Variants in NAA16 observed in about 807,000 individuals in gnomAD.
The protein encoded by NAA16 is NARG1-like protein.
In NAA16, 97 loss-of-function variants were observed where a neutral mutation model predicts 110.3. The observed-to-expected ratio is 0.88, with a 90% CI of 0.75 to 1.04. The LOEUF (loss-of-function observed/expected upper bound fraction) is 1.04, where lower values mean the gene tolerates loss of function less well. NAA16 is among the 50% of genes least tolerant of loss of function. The pLI is 0.00. For missense variants in NAA16, 1,017 were observed against 1,005.1 expected, an observed-to-expected ratio of 1.01 and a Z score of -0.16; for synonymous variants, 372 against 330.6, an observed-to-expected ratio of 1.13 and a Z score of -1.36.
Position 41,336,762 on chromosome 13 carries a change from A to T in NAA16, c.1014+6A>T. 1 of 1,526,120 alleles carries T rather than the reference A, an allele frequency of 6.6e-7. No homozygotes were observed. The highest frequency in any genetic ancestry group is 9.0e-7 in the Non-Finnish European group (1 of 1,113,026). 94.5% of individuals were successfully genotyped at this position (1,526,120 alleles called of 1,614,324 possible). Reference sequence around the variant, plus strand: ...TATATTACAATACAGAAAAGGTAAAATTTGGTATTTATTCAGATTTGCTAT... The same window carrying T: ...TATATTACAATACAGAAAAGGTAAATTTTGGTATTTATTCAGATTTGCTAT... On this transcript the variant is annotated splice_donor_region_variant and intron_variant, in intron 9 of 19. Transcript: ENST00000379406.
At position 41,375,453 on chromosome 13, in the gene NAA16, T is replaced by C; in HGVS notation, c.2446T>C (p.Cys816Arg). 6.2e-7 allele frequency: 1 copy of C among 1,614,060 alleles called. No homozygotes were observed. The highest frequency in any genetic ancestry group is 8.5e-7 in the Non-Finnish European group (1 of 1,179,926). Residue 816 changes from cysteine to arginine, a missense_variant, in exon 20 of 20, where the codon TGT becomes CGT. Cys to Arg is a radical substitution (Grantham distance 180). Transcript: ENST00000379406. ...ACTGCTTGATGGCAGCTTTGGGAAC[T>C]GTAGTTCCCAATATGAAGAATATAG... ...EALLDGSFGNCSSQYEEYRMA... is the reference protein window; with the variant it reads ...EALLDGSFGNRSSQYEEYRMA...
rs1377734064 is a variant in NAA16 at position 41,320,937 on chromosome 13, TAGA to T, written c.402+116_402+118del. 4 of 923,032 alleles carry T rather than the reference TAGA, an allele frequency of 4.3e-6. No individual in the cohort carries two copies. In the East Asian group the frequency reaches 1.1e-4, roughly 25 times the overall value. 57.2% of individuals were successfully genotyped at this position (923,032 alleles called of 1,614,324 possible). ...AAATCAAGTAGATTTGATTGTTCAT[TAGA>T]AGGTGTATGTCGCTTGGGACCTTCC... On this transcript the variant is annotated intron_variant, in intron 4 of 19. Transcript: ENST00000379406.
intron 9 of NAA16, among the ~76,000 whole-genome samples, chr13:41,343,592 A>G (rs1487991989): frequency 6.6e-6 from 1 of 152,004 alleles, no homozygotes; most frequent in South Asian, 2.1e-4. Context: ...GTGCAGTGGC[A>G]CCATCTCGGC....
In NAA16 at chr13:41,367,447, TGAGATAAC is replaced by T; in HGVS notation, c.1549_1556del (p.Glu517Ter). ...TGATTTTTGTTTTTAAGCATTTTTT[TGAGATAAC>T]TGATGACCAATTCGACTTCCATACA... On this transcript the variant is annotated frameshift_variant, in exon 14 of 20. Coordinates refer to ENST00000379406, the MANE Select transcript of NAA16 (RefSeq NM_024561.5). LOFTEE classifies it high-confidence loss of function. The T allele has an allele frequency of 6.3e-7, 1 of 1,590,924 alleles. No homozygotes were observed. Among genetic ancestry groups the T allele is most frequent in the Non-Finnish European group, 8.6e-7 (1 of 1,164,802 alleles).
chr13:41,348,108 TTAA>T (rs1566277469), intron 9 of NAA16, among the ~76,000 whole-genome samples: 1 of 152,102 alleles, frequency 6.6e-6, no homozygotes, highest in African/African-American at 2.4e-5. Flanking sequence ...AGGTTTTTTT[TTAA>T]AAAAAATCTA....
In NAA16 at chr13:41,375,817, G is replaced by C. The variant is rs2043418173; in HGVS notation, c.*215G>C. On this transcript the variant is annotated 3_prime_UTR_variant, in exon 20 of 20. Transcript: ENST00000379406. ...TTTATTCTTACACAGTTTTGTGGTA[G>C]CTCCGATCGCTTCTGTATAATTATA... is the stretch of plus-strand genomic sequence containing the variant. 2.3e-6 allele frequency: 1 copy of C among 427,130 alleles called. No homozygotes were observed. Among genetic ancestry groups the C allele is most frequent in the African/African-American group, 2.0e-5 (1 of 49,434 alleles). The allele number at this position is 427,130 out of a possible 1,614,324, so 26.5% of individuals were successfully genotyped here. A position where few individuals can be genotyped will look rare whatever the true frequency, so the allele number is the denominator to read the frequency against.
intron 4 of NAA16, 24 bp from the exon 5 acceptor site, chr13:41,323,032 A>AG (rs1566246121): frequency 6.2e-7 from 1 of 1,606,412 alleles, no homozygotes; most frequent in East Asian, 2.2e-5. Flanking sequence ...GAGAATATTT[A>AG]GCAAGTTAAA....
At chr13:41,325,967 C>A in intron 6 of NAA16, 116 bp downstream of exon 6, 2 of 735,512 alleles carry the variant, frequency 2.7e-6, no homozygotes, top group Non-Finnish European at 4.1e-6. Context: ...GTTCCAAACA[C>A]GATTATTAAG....
intron 8 of NAA16, among the ~76,000 whole-genome samples, chr13:41,334,902 G>C (rs1478255750): frequency 1.3e-4 from 2 of 15,672 alleles, no homozygotes; most frequent in Non-Finnish European, 2.0e-4. Flanking sequence ...ATTTGTTTAA[G>C]GTCACCCCCC....
chr13:41,349,842 T>A (rs546904640), intron 9 of NAA16, among the ~76,000 whole-genome samples: 1 of 151,708 alleles, frequency 6.6e-6, no homozygotes, highest in African/African-American at 2.4e-5. Context: ...GGTGGAATAA[T>A]CCCAGCTACT....
chr13:41,352,663 A>G (rs2042868316), intron 9 of NAA16, among the ~76,000 whole-genome samples: 1 of 152,154 alleles, frequency 6.6e-6, no homozygotes, highest in African/African-American at 2.4e-5. Flanking sequence ...TCAAAAAAAC[A>G]AAAATTTATG....
At chr13:41,362,814 G>T in intron 13 of NAA16, 2 of 1,289,556 alleles carry the variant, frequency 1.6e-6, no homozygotes, top group Non-Finnish European at 2.0e-6. Flanking sequence ...CAGTTGTGGG[G>T]GCAATCGGCA....
At chr13:41,318,993 A>T (rs928521285) in intron 3 of NAA16, 83 bp downstream of exon 3, 29 of 667,144 alleles carry the variant, frequency 4.3e-5, no homozygotes, top group Non-Finnish European at 6.7e-5. Flanking sequence ...TGAAAATTCC[A>T]AACCTACGTA....
intron 6 of NAA16, chr13:41,327,984 A>G (rs753899050): frequency 6.6e-6 from 1 of 152,098 alleles, no homozygotes; most frequent in Non-Finnish European, 1.5e-5. Context: ...TGACTTGAAG[A>G]CATTTTAAAG....
At chr13:41,363,382 C>T (rs551877006) in intron 13 of NAA16, among the ~76,000 whole-genome samples, 1 of 152,234 alleles carries the variant, frequency 6.6e-6, no homozygotes, top group South Asian at 2.1e-4. Context: ...TCAGCAAGAC[C>T]ATAACTAGAA....
At position 41,362,105 on chromosome 13, in the gene NAA16, T is replaced by C; in HGVS notation, c.1485T>C (p.Tyr495=). 4.3e-6 allele frequency: 7 copies of C among 1,610,140 alleles called. No homozygotes were observed. Among genetic ancestry groups the C allele is most frequent in the Non-Finnish European group, 5.9e-6 (7 of 1,178,690 alleles). Residue 495 remains tyrosine, a synonymous_variant, in exon 13 of 20, where the codon TAT becomes TAC. Coordinates refer to ENST00000379406, the MANE Select transcript of NAA16 (RefSeq NM_024561.5). ...MWFQTECISA[Y]QRLGRYGDAL... is the part of the protein sequence containing the mutation. ...TTCAGACAGAATGCATTTCAGCTTATCAGCGTCTGGGGAGATACGGGGATG... is the reference window on the plus strand; with the variant it reads ...TTCAGACAGAATGCATTTCAGCTTACCAGCGTCTGGGGAGATACGGGGATG...
At chr13:41,322,988 ATTG>A (rs1287889120) in intron 4 of NAA16, 65 bp from the exon 5 acceptor site, 57 of 1,386,062 alleles carry the variant, frequency 4.1e-5, no homozygotes, top group Non-Finnish European at 5.7e-5. Flanking sequence ...TAAAGGTTAG[ATTG>A]TTTTCTTAAA....
At position 41,373,773 on chromosome 13, in the gene NAA16, A is replaced by G. The variant is rs2043371794; in HGVS notation, c.2292A>G (p.Leu764=). ...LKRNATSLQH[L]LSGAKMMYFL... ...GTAACGCTACCTCTCTTCAGCATCT[A>G]CTTTCAGGTTTGTTTGTAGCCCCCA... Residue 764 remains leucine, a synonymous_variant, in exon 18 of 20, where the codon CTA becomes CTG. Transcript: ENST00000379406. 19 of 1,595,366 alleles carry G rather than the reference A, an allele frequency of 1.2e-5. No homozygotes were observed. Among genetic ancestry groups the G allele is most frequent in the Non-Finnish European group, 1.4e-5 (17 of 1,174,364 alleles).
intron 11 of NAA16, 85 bp from the exon 12 acceptor site, chr13:41,358,722 CTTT>C: frequency 6.8e-7 from 1 of 1,478,928 alleles, no homozygotes; most frequent in Non-Finnish European, 9.0e-7. Flanking sequence ...TGACAGATTT[CTTT>C]TTTGTCTGTG....
Sources: allele counts gnomAD v4.1 joint callset (sites outside exome capture counted in the v4.1 genomes callset), GRCh38; gene constraint gnomAD v4.1.1; transcripts MANE v1.5; gene names NCBI Gene and HGNC (gene_info 2026-07-23, HGNC 2026-07-21).